Variants in SLCO1B3 observed in about 807,000 individuals in gnomAD.
The protein encoded by SLCO1B3 is solute carrier organic anion transporter family member 1B3.
In SLCO1B3, 72 loss-of-function variants were observed where a neutral mutation model predicts 71.8. The ratio of observed to expected loss-of-function variants is 1.00; its 90% CI spans 0.83 to 1.22. The LOEUF (loss-of-function observed/expected upper bound fraction) is 1.22, where lower values mean the gene tolerates loss of function less well. Ranked by LOEUF, SLCO1B3 falls within the 50% of genes most tolerant of loss-of-function variation. The pLI, the probability that SLCO1B3 is intolerant of heterozygous loss-of-function variation, is 0.00. For synonymous variants in SLCO1B3, 298 were observed against 278.4 expected, an observed-to-expected ratio of 1.07 and a Z score of -0.70; for missense variants, 911 against 819.7, an observed-to-expected ratio of 1.11 and a Z score of -1.36.
Position 20,862,745 on chromosome 12 carries a change from A to G in SLCO1B3, c.629-11A>G, listed in dbSNP as rs755152274. ...GTGACATCTGATTAAATTGTTTTGT[A>G]ATACTTACAGGTAGTTTGAATGCAA... On this transcript the variant is annotated splice_polypyrimidine_tract_variant and intron_variant, in intron 7 of 15. Coordinates refer to ENST00000381545, the MANE Select transcript of SLCO1B3 (RefSeq NM_019844.4). The G allele has an allele frequency of 1.3e-6, 2 of 1,591,480 alleles. No individual in the cohort carries two copies. The highest frequency in any genetic ancestry group is 1.7e-6 in the Non-Finnish European group (2 of 1,164,508).
intron 8 of SLCO1B3, among the ~76,000 whole-genome samples, chr12:20,873,066 G>A (rs560698363): frequency 2.0e-5 from 3 of 152,216 alleles, no homozygotes; most frequent in East Asian, 3.9e-4. Context: ...TTGGCATGCT[G>A]TCCAACCCTT....
At position 20,860,697 on chromosome 12, in the gene SLCO1B3, C is replaced by T. The variant is rs2417943; in HGVS notation, c.360-320C>T. Among the ~76,000 whole-genome samples, 109,093 of 150,256 alleles carry T rather than the reference C, an allele frequency of 0.73. 42,203 individuals are homozygous for T. The highest frequency in any genetic ancestry group is 0.9 in the South Asian group (4,308 of 4,782). ...ATGGTAACTCAAAGGGATAAATAGA[C>T]ATAGTTAACAGATAAAAAAACAACA... On this transcript the variant is annotated intron_variant, in intron 5 of 15. Transcript: ENST00000381545.
intron 5 of SLCO1B3, among the ~76,000 whole-genome samples, chr12:20,859,350 TA>T (rs1369942366): frequency 6.6e-6 from 1 of 152,082 alleles, no homozygotes; most frequent in Admixed American, 6.6e-5. Context: ...TATTTCCAGC[TA>T]AAAAAACCAA....
chr12:20,826,025 A>G (rs1249477663), intron 3 of SLCO1B3, among the ~76,000 whole-genome samples: 2 of 152,180 alleles, frequency 1.3e-5, no homozygotes. Flanking sequence ...AAGATCTTCT[A>G]TATTATGTTT....
At chr12:20,869,968 A>G (rs950411897) in intron 8 of SLCO1B3, among the ~76,000 whole-genome samples, 7 of 152,168 alleles carry the variant, frequency 4.6e-5, no homozygotes, top group African/African-American at 1.7e-4. Context: ...ATAAGTGTTC[A>G]AATATCTCCA....
intron 3 of SLCO1B3, among the ~76,000 whole-genome samples, chr12:20,848,324 C>CA (rs1409537230): frequency 4.6e-5 from 7 of 152,174 alleles, no homozygotes; most frequent in East Asian, 3.9e-4. Flanking sequence ...ATTCCAAACA[C>CA]AAAAAATGCC....
chr12:20,855,259 T>A (rs964238291), intron 4 of SLCO1B3, 90 bp downstream of exon 4: 2 of 1,136,582 alleles, frequency 1.8e-6, no homozygotes, highest in African/African-American at 3.1e-5. Context: ...GGGTCTGGAC[T>A]AGGTGTAAAT....
At chr12:20,812,861 CA>C (rs1864131452) in intron 1 of SLCO1B3, among the ~76,000 whole-genome samples, 3 of 141,446 alleles carry the variant, frequency 2.1e-5, no homozygotes, top group Non-Finnish European at 4.9e-5. Context: ...ATCTGCCTTG[CA>C]AGTCGTTCAA....
chr12:20,811,635 C>T (rs1565573286), intron 1 of SLCO1B3, among the ~76,000 whole-genome samples: 1 of 152,116 alleles, frequency 6.6e-6, no homozygotes, highest in Non-Finnish European at 1.5e-5. Context: ...CTACTTCAGC[C>T]CAATCAAACT....
intron 3 of SLCO1B3, among the ~76,000 whole-genome samples, chr12:20,817,000 T>G (rs889046014): frequency 6.6e-6 from 1 of 152,238 alleles, no homozygotes; most frequent in Non-Finnish European, 1.5e-5. Flanking sequence ...GTATGTCTTC[T>G]TTTGAGAAAT....
At chr12:20,878,085 T>C in intron 10 of SLCO1B3, 149 bp downstream of exon 10, 1 of 550,460 alleles carries the variant, frequency 1.8e-6, no homozygotes, top group Non-Finnish European at 3.1e-6. Context: ...CTCCATCTTG[T>C]AATATCATCG....
At chr12:20,910,432 T>A (rs915174221) in intron 15 of SLCO1B3, among the ~76,000 whole-genome samples, 1 of 152,306 alleles carries the variant, frequency 6.6e-6, no homozygotes, top group South Asian at 2.1e-4. Context: ...CTTGGCTATT[T>A]AGCATCTTTT....
At chr12:20,862,345 GTAGT>G in intron 6 of SLCO1B3, 63 bp from the exon 7 acceptor site, 9 of 1,462,976 alleles carry the variant, frequency 6.2e-6, no homozygotes, top group Non-Finnish European at 8.4e-6. Flanking sequence ...AGGATTTAAA[GTAGT>G]TAAATTTCTA....
intron 3 of SLCO1B3, among the ~76,000 whole-genome samples, chr12:20,842,232 A>C (rs1287165628): frequency 6.6e-6 from 1 of 152,096 alleles, no homozygotes; most frequent in Non-Finnish European, 1.5e-5. Context: ...TGTATCTTAG[A>C]GGTCAGTCTT....
intron 4 of SLCO1B3, among the ~76,000 whole-genome samples, chr12:20,856,425 G>A (rs10841675): frequency 0.72 from 110,203 of 152,050 alleles, 42,514 homozygotes; most frequent in South Asian, 0.9. Context: ...TAAAAATGAT[G>A]CGAATAAAAA....
At chr12:20,840,264 A>G (rs565334017) in intron 3 of SLCO1B3, among the ~76,000 whole-genome samples, 61 of 152,188 alleles carry the variant, frequency 4.0e-4, no homozygotes, top group Non-Finnish European at 6.8e-4. Flanking sequence ...CCTGCTATAC[A>G]TGTGCCTTCA....
At chr12:20,849,144 T>C (rs1180655154) in intron 3 of SLCO1B3, among the ~76,000 whole-genome samples, 1 of 151,986 alleles carries the variant, frequency 6.6e-6, no homozygotes, top group Non-Finnish European at 1.5e-5. Context: ...AAATAAAGTC[T>C]ATTAAGTATA....
chr12:20,902,022 A>G (rs941303053), intron 15 of SLCO1B3: 2 of 325,936 alleles, frequency 6.1e-6, no homozygotes, highest in East Asian at 1.1e-4. Flanking sequence ...TGATCAATAT[A>G]TAAATTTGAT....
intron 3 of SLCO1B3, among the ~76,000 whole-genome samples, chr12:20,822,688 A>T (rs1325911837): frequency 2.6e-5 from 4 of 152,184 alleles, no homozygotes; most frequent in Non-Finnish European, 5.9e-5. Flanking sequence ...GGGAATGGTC[A>T]GTTATTTATT....
Sources: allele counts gnomAD v4.1 joint callset (sites outside exome capture counted in the v4.1 genomes callset), GRCh38; gene constraint gnomAD v4.1.1; transcripts MANE v1.5; gene names NCBI Gene and HGNC (gene_info 2026-07-23, HGNC 2026-07-21).